Variants in SPATA16 observed in about 807,000 individuals in gnomAD.
The protein encoded by SPATA16 is spermatogenesis-associated protein 16.
A neutral mutation model predicts 63.3 loss-of-function variants in SPATA16; 36 were observed. That is an observed-to-expected ratio of 0.57 (90% CI 0.44 to 0.75). The LOEUF is 0.75. Among genes scored for constraint, SPATA16 ranks in the 30% least tolerant of loss-of-function variants. The pLI is 0.00. For missense variants in SPATA16, 646 were observed against 679.3 expected (o/e 0.95, Z 0.54); for synonymous variants, 203 against 216.7 (o/e 0.94, Z 0.56).
intron 4 of SPATA16, among the ~76,000 whole-genome samples, chr3:172,993,211 A>AG (rs398082668): frequency 6.6e-6 from 1 of 151,778 alleles, no homozygotes; most frequent in African/African-American, 2.4e-5. Flanking sequence ...TGAAAAAAAA[A>AG]AGAGAGAAAA....
At chr3:173,110,604 T>G (rs2108331552) in intron 2 of SPATA16, among the ~76,000 whole-genome samples, 1 of 152,312 alleles carries the variant, frequency 6.6e-6, no homozygotes, top group East Asian at 1.9e-4. Flanking sequence ...TTTCATTATG[T>G]TTTTCAATAA....
At chr3:173,084,073 G>C (rs1256098801) in intron 2 of SPATA16, among the ~76,000 whole-genome samples, 1 of 152,242 alleles carries the variant, frequency 6.6e-6, no homozygotes, top group East Asian at 1.9e-4. Flanking sequence ...GGTATTTCTG[G>C]TTCTAGGTCT....
intron 6 of SPATA16, among the ~76,000 whole-genome samples, chr3:172,939,882 G>A (rs887853468): frequency 6.6e-6 from 1 of 152,222 alleles, no homozygotes; most frequent in Admixed American, 6.5e-5. Flanking sequence ...GGCTTGGAAT[G>A]TTCAGCTTCA....
chr3:172,959,101 G>GTA (rs1314545037), intron 5 of SPATA16, among the ~76,000 whole-genome samples: 1 of 84,670 alleles, frequency 1.2e-5, no homozygotes, highest in African/African-American at 7.3e-5. Context: ...TCTAGCAAAG[G>GTA]TATAATCCTC....
intron 2 of SPATA16, among the ~76,000 whole-genome samples, chr3:173,071,042 T>C (rs1164753114): frequency 1.3e-5 from 2 of 152,138 alleles, no homozygotes; most frequent in Non-Finnish European, 2.9e-5. Flanking sequence ...GGAGACGCCA[T>C]ATTGCCTGCC....
At chr3:173,075,267 G>A (rs1378024485) in intron 2 of SPATA16, among the ~76,000 whole-genome samples, 1 of 151,940 alleles carries the variant, frequency 6.6e-6, no homozygotes, top group Non-Finnish European at 1.5e-5. Context: ...TAAAAATACA[G>A]TCAATGACAG....
intron 6 of SPATA16, among the ~76,000 whole-genome samples, chr3:172,951,370 C>T (rs1051626827): frequency 6.6e-6 from 1 of 151,982 alleles, no homozygotes; most frequent in Admixed American, 6.6e-5. Flanking sequence ...TTTAACTCTC[C>T]CTCATCAGTC....
chr3:172,970,411 A>G (rs1384535267), intron 5 of SPATA16, among the ~76,000 whole-genome samples: 1 of 152,196 alleles, frequency 6.6e-6, no homozygotes, highest in Non-Finnish European at 1.5e-5. Flanking sequence ...ACTAATTTTT[A>G]CAATTCTATT....
intron 4 of SPATA16, among the ~76,000 whole-genome samples, chr3:172,995,110 G>T (rs1734666735): frequency 1.3e-5 from 2 of 152,002 alleles, no homozygotes; most frequent in Admixed American, 6.6e-5. Context: ...ACAAGGAAAA[G>T]AAAATGTGCA....
At chr3:172,937,857 A>G (rs1733046163) in intron 6 of SPATA16, among the ~76,000 whole-genome samples, 1 of 152,196 alleles carries the variant, frequency 6.6e-6, no homozygotes, top group Non-Finnish European at 1.5e-5. Context: ...TCACTATGGA[A>G]CCATTGCAGA....
At chr3:173,096,894 A>G (rs1238320702) in intron 2 of SPATA16, among the ~76,000 whole-genome samples, 1 of 152,168 alleles carries the variant, frequency 6.6e-6, no homozygotes. Context: ...GAAGAAATTT[A>G]TTATATATTG....
chr3:172,992,258 G>T (rs995341791), intron 4 of SPATA16, among the ~76,000 whole-genome samples: 1 of 151,980 alleles, frequency 6.6e-6, no homozygotes, highest in Non-Finnish European at 1.5e-5. Context: ...GTGCCCAGAG[G>T]CATTAAGTAA....
intron 2 of SPATA16, among the ~76,000 whole-genome samples, chr3:173,112,138 CT>C (rs1284690345): frequency 6.6e-6 from 1 of 152,174 alleles, no homozygotes; most frequent in Non-Finnish European, 1.5e-5. Context: ...CCTACACACA[CT>C]TAAAACATTT....
intron 6 of SPATA16, among the ~76,000 whole-genome samples, chr3:172,949,987 C>T (rs534892135): frequency 5.9e-5 from 9 of 152,176 alleles, no homozygotes; most frequent in African/African-American, 1.7e-4. Context: ...TACCACATAC[C>T]CCATTACAAC....
chr3:173,114,360 T>C (rs559128824), intron 2 of SPATA16, among the ~76,000 whole-genome samples: 4 of 152,132 alleles, frequency 2.6e-5, no homozygotes, highest in Non-Finnish European at 5.9e-5. Flanking sequence ...CAGGTATGTG[T>C]GGCCACATGA....
intron 4 of SPATA16, among the ~76,000 whole-genome samples, chr3:172,983,097 G>A (rs1481199088): frequency 6.6e-6 from 1 of 152,172 alleles, no homozygotes. Context: ...GACCTCCACA[G>A]AAGGACATTG....
At chr3:173,097,540 A>G (rs1019816143) in intron 2 of SPATA16, among the ~76,000 whole-genome samples, 1 of 152,184 alleles carries the variant, frequency 6.6e-6, no homozygotes, top group Admixed American at 6.6e-5. Context: ...CTTCATTAAA[A>G]GGAAAAAGGC....
chr3:173,016,882 T>C (rs1735201789), intron 4 of SPATA16, among the ~76,000 whole-genome samples: 1 of 151,988 alleles, frequency 6.6e-6, no homozygotes, highest in Admixed American at 6.6e-5. Flanking sequence ...GGTGTGGTGG[T>C]GTGTGCCTAT....
At chr3:172,932,628 G>A (rs1374517623) in intron 6 of SPATA16, among the ~76,000 whole-genome samples, 2 of 152,056 alleles carry the variant, frequency 1.3e-5, no homozygotes, top group Non-Finnish European at 2.9e-5. Context: ...ACATCAGCAA[G>A]AAAATAGCAA....
Sources: gnomAD v4.1 joint callset for allele counts (sites outside exome capture counted in the v4.1 genomes callset) on GRCh38, gnomAD v4.1.1 for gene constraint, MANE v1.5 for transcripts, NCBI Gene and HGNC (gene_info 2026-07-23, HGNC 2026-07-21) for gene names.